ABCB11: variants seen among roughly 807,000 people sequenced by gnomAD.
The protein encoded by ABCB11 is ATP binding cassette subfamily B member 11.
Under a neutral mutation model 148.0 loss-of-function variants are expected in ABCB11, and 95 were observed. The observed-to-expected ratio is 0.64, with a 90% CI of 0.54 to 0.76. The LOEUF is 0.76. Among genes scored for constraint, ABCB11 ranks in the 30% least tolerant of loss-of-function variants. The probability of loss-of-function intolerance (pLI) is 0.00; values close to 1 mark genes in which losing one functional copy is unlikely to be tolerated. For missense variants in ABCB11, 1,523 were observed against 1,617.8 expected (o/e 0.94, Z 1.01); for synonymous variants, 591 against 555.4 (o/e 1.06, Z -0.90).
At chr2:169,011,996 G>A (rs1038808880) in intron 5 of ABCB11, among the ~76,000 whole-genome samples, 1 of 152,040 alleles carries the variant, frequency 6.6e-6, no homozygotes, top group African/African-American at 2.4e-5. Context: ...CTGTGTCCTT[G>A]ATGCTTTCAT....
At chr2:169,026,687 C>G (rs1205842939) in intron 1 of ABCB11, among the ~76,000 whole-genome samples, 1 of 152,194 alleles carries the variant, frequency 6.6e-6, no homozygotes, top group Non-Finnish European at 1.5e-5. Context: ...TTTTCTTCCA[C>G]TGGCAAATTA....
At chr2:168,935,851 C>CTG (rs1427921290) in intron 22 of ABCB11, among the ~76,000 whole-genome samples, 3 of 152,274 alleles carry the variant, frequency 2.0e-5, no homozygotes, top group South Asian at 4.2e-4. Context: ...ATCATAGCTC[C>CTG]TGTGTGTGTG....
chr2:168,970,547 C>A, intron 14 of ABCB11: 1 of 404,058 alleles, frequency 2.5e-6, no homozygotes, highest in South Asian at 2.1e-5. Context: ...AAGCACAGAG[C>A]AAATCCGTGT....
chr2:168,990,697 G>A lies in ABCB11; in HGVS notation c.908+104C>T. On this transcript the variant is annotated intron_variant, in intron 9 of 27. Coordinates refer to ENST00000650372, the MANE Select transcript of ABCB11 (RefSeq NM_003742.4). ...CTCTTGAACAAGTACTTCCTCTGGA[G>A]GCCACAGACCAAGGTGGGTCTGCCG... 6 of 1,427,728 alleles carry A rather than the reference G, an allele frequency of 4.2e-6. No individual in the cohort carries two copies. The South Asian group carries it at 7.3e-5, about 17-fold the overall frequency. 88.4% of individuals were successfully genotyped at this position (1,427,728 alleles called of 1,614,324 possible). A position where few individuals can be genotyped will look rare whatever the true frequency, so the allele number is the denominator to read the frequency against.
downstream of ABCB11, among the ~76,000 whole-genome samples, chr2:168,919,502 A>G (rs1216030234): frequency 6.6e-6 from 1 of 152,122 alleles, no homozygotes; most frequent in Non-Finnish European, 1.5e-5. Context: ...CTCTGGGTAC[A>G]GCACACCTGT....
intron 1 of ABCB11, among the ~76,000 whole-genome samples, chr2:169,022,217 A>G (rs563454502): frequency 1.3e-5 from 2 of 151,956 alleles, no homozygotes; most frequent in Non-Finnish European, 2.9e-5. Flanking sequence ...CTAATCAAGA[A>G]CCTAAAAAAT....
intron 1 of ABCB11, among the ~76,000 whole-genome samples, chr2:169,018,561 G>A (rs1002320960): frequency 1.3e-5 from 2 of 152,132 alleles, no homozygotes; most frequent in African/African-American, 2.4e-5. Context: ...GTTGATGAAC[G>A]ACACCCACAT....
intron 15 of ABCB11, 142 bp from the exon 16 acceptor site, chr2:168,969,693 A>G: frequency 2.5e-6 from 2 of 788,646 alleles, no homozygotes; most frequent in Admixed American, 2.9e-5. Flanking sequence ...ACATTAGAAA[A>G]GGCCAGCACA....
chr2:168,972,561 A>G (rs1216619588), intron 13 of ABCB11, among the ~76,000 whole-genome samples: 2 of 152,066 alleles, frequency 1.3e-5, no homozygotes, highest in Non-Finnish European at 2.9e-5. Flanking sequence ...GTAAAAATGT[A>G]AAAATCTTAC....
chr2:169,013,201 CT>C, intron 5 of ABCB11, 70 bp downstream of exon 5: 2 of 1,199,936 alleles, frequency 1.7e-6, no homozygotes, highest in South Asian at 2.9e-5. Context: ...GTAAAATCCC[CT>C]CTATACATTT....
chr2:169,005,796 C>T (rs1259575533), intron 5 of ABCB11, among the ~76,000 whole-genome samples: 4 of 152,130 alleles, frequency 2.6e-5, no homozygotes, highest in Non-Finnish European at 5.9e-5. Flanking sequence ...TATTTCAAAA[C>T]ATCATGCTGC....
intron 18 of ABCB11, among the ~76,000 whole-genome samples, chr2:168,959,570 G>A (rs146667022): frequency 9.9e-5 from 15 of 151,714 alleles, no homozygotes; most frequent in African/African-American, 3.4e-4. Flanking sequence ...CCATGTTTAT[G>A]CACATCTTGT....
chr2:168,988,428 A>G (rs1694401337), intron 9 of ABCB11, among the ~76,000 whole-genome samples: 1 of 152,092 alleles, frequency 6.6e-6, no homozygotes, highest in Admixed American at 6.6e-5. Context: ...TGCAAATAAC[A>G]GTATTTTCTT....
chr2:168,938,745 G>A lies in ABCB11; in HGVS notation c.2611-2312C>T, dbSNP rs547333866. On this transcript the variant is annotated intron_variant, in intron 21 of 27. Coordinates refer to ENST00000650372, the MANE Select transcript of ABCB11 (RefSeq NM_003742.4). ...ATTTTTGGTTGGCAAGGACTGTCAG[G>A]CATTACAGAGGACTTGAAAAGCAAC... is the stretch of plus-strand genomic sequence containing the variant. 5.3e-4 allele frequency among the ~76,000 whole-genome samples: 80 copies of A among 152,132 alleles called. 1 individual carries two copies. The highest frequency in any genetic ancestry group is 1.9e-3 in the African/African-American group (79 of 41,518).
intron 1 of ABCB11, among the ~76,000 whole-genome samples, chr2:169,022,386 AAAAT>A (rs1234850239): frequency 1.3e-5 from 2 of 152,032 alleles, no homozygotes; most frequent in African/African-American, 2.4e-5. Flanking sequence ...TGGGAAAGGT[AAAAT>A]AAATAAAGTT....
intron 18 of ABCB11, among the ~76,000 whole-genome samples, chr2:168,962,995 C>G (rs912194345): frequency 5.9e-5 from 9 of 151,716 alleles, no homozygotes; most frequent in Non-Finnish European, 1.2e-4. Context: ...CCCAATCACT[C>G]CCTTGTCATT....
intron 12 of ABCB11, among the ~76,000 whole-genome samples, chr2:168,974,803 A>C (rs1693744444): frequency 6.6e-6 from 1 of 151,828 alleles, no homozygotes; most frequent in Non-Finnish European, 1.5e-5. Context: ...ATATTTACTG[A>C]GTGTGTATTA....
intron 9 of ABCB11, among the ~76,000 whole-genome samples, chr2:168,987,907 A>C (rs1694378618): frequency 1.3e-5 from 2 of 152,158 alleles, no homozygotes. Flanking sequence ...TTTATGGTAT[A>C]CAACATGATG....
chr2:169,010,037 A>G (rs1465396663), intron 5 of ABCB11, among the ~76,000 whole-genome samples: 1 of 152,158 alleles, frequency 6.6e-6, no homozygotes, highest in Non-Finnish European at 1.5e-5. Flanking sequence ...GAGCTCCCCA[A>G]TGCCCGCAGT....
Sources: gnomAD v4.1 joint callset for allele counts (sites outside exome capture counted in the v4.1 genomes callset) on GRCh38, gnomAD v4.1.1 for gene constraint, MANE v1.5 for transcripts, NCBI Gene and HGNC (gene_info 2026-07-23, HGNC 2026-07-21) for gene names.